Variants in RASSF8 observed in about 807,000 individuals in gnomAD.
RASSF8 encodes Ras association domain family member 8.
Under a neutral mutation model 48.5 loss-of-function variants are expected in RASSF8, and 22 were observed. That is an observed-to-expected ratio of 0.45 (90% CI 0.32 to 0.65). The LOEUF is 0.65. Ranked by LOEUF, RASSF8 falls within the 30% of genes least tolerant of loss-of-function variation. The pLI, the probability that RASSF8 is intolerant of heterozygous loss-of-function variation, is 0.03. For missense variants in RASSF8, 418 were observed against 489.2 expected (o/e 0.85, Z 1.37); for synonymous variants, 127 against 171.5 (o/e 0.74, Z 2.03).
downstream of RASSF8, among the ~76,000 whole-genome samples, chr12:26,076,558 T>G (rs1189037566): frequency 6.6e-6 from 1 of 152,054 alleles, no homozygotes; most frequent in Non-Finnish European, 1.5e-5. Context: ...GAATGATGGT[T>G]TCCAGCTTCA....
At chr12:26,038,900 C>G (rs930666575) in intron 2 of RASSF8, among the ~76,000 whole-genome samples, 4 of 152,208 alleles carry the variant, frequency 2.6e-5, no homozygotes, top group African/African-American at 9.6e-5. Flanking sequence ...GTGGTACATG[C>G]ACAGATATTT....
intron 3 of RASSF8, among the ~76,000 whole-genome samples, chr12:26,057,101 T>TGC: frequency 2.3e-4 from 1 of 4,296 alleles, no homozygotes. Flanking sequence ...ATGACACTTT[T>TGC]GTGTGTGTGT....
chr12:26,045,389 T>G (rs1017610371), intron 2 of RASSF8, among the ~76,000 whole-genome samples: 3 of 152,210 alleles, frequency 2.0e-5, no homozygotes, highest in African/African-American at 7.2e-5. Flanking sequence ...AGTTTTGTAG[T>G]CTAGCAGCCA....
intron 1 of RASSF8, among the ~76,000 whole-genome samples, chr12:25,963,856 T>C (rs1173642177): frequency 6.6e-6 from 1 of 152,214 alleles, no homozygotes; most frequent in African/African-American, 2.4e-5. Flanking sequence ...AGCTTAGGCT[T>C]TCTTTCCATA....
intron 4 of RASSF8, among the ~76,000 whole-genome samples, chr12:26,066,423 G>A (rs1943876389): frequency 6.6e-6 from 1 of 152,166 alleles, no homozygotes; most frequent in African/African-American, 2.4e-5. Context: ...TGAGGTTTTA[G>A]GAAGAACTGA....
chr12:26,006,802 G>C (rs1942402641), intron 2 of RASSF8, among the ~76,000 whole-genome samples: 1 of 152,194 alleles, frequency 6.6e-6, no homozygotes, highest in Non-Finnish European at 1.5e-5. Flanking sequence ...TGGAACATGG[G>C]ATGAAACGAG....
intron 1 of RASSF8, among the ~76,000 whole-genome samples, chr12:25,981,350 A>G (rs1941739095): frequency 1.3e-5 from 2 of 152,124 alleles, no homozygotes; most frequent in South Asian, 4.1e-4. Flanking sequence ...CCCCTGCTCA[A>G]CAGTCTCCAT....
downstream of RASSF8, among the ~76,000 whole-genome samples, chr12:26,076,034 T>C (rs1339220995): frequency 1.3e-5 from 2 of 152,154 alleles, no homozygotes; most frequent in African/African-American, 4.8e-5. Context: ...GCAAAGTAGA[T>C]TACCTTGTAA....
intron 2 of RASSF8, among the ~76,000 whole-genome samples, chr12:26,030,687 C>CTT (rs34749872): frequency 6.8e-6 from 1 of 147,238 alleles, no homozygotes; most frequent in Non-Finnish European, 1.5e-5. Flanking sequence ...CCGAAGTTAT[C>CTT]TTTTTTTTTT....
intron 1 of RASSF8, among the ~76,000 whole-genome samples, chr12:25,978,900 C>T (rs1941672720): frequency 6.6e-6 from 1 of 151,972 alleles, no homozygotes; most frequent in Admixed American, 6.6e-5. Context: ...TTCTTGCCCA[C>T]TATTGGATGT....
chr12:26,045,446 T>C (rs576355855), intron 2 of RASSF8, among the ~76,000 whole-genome samples: 3 of 152,304 alleles, frequency 2.0e-5, no homozygotes, highest in East Asian at 3.9e-4. Flanking sequence ...ATCTTACATA[T>C]TTGTTTTATT....
chr12:25,987,870 G>A (rs74966741), intron 1 of RASSF8, among the ~76,000 whole-genome samples: 10,552 of 151,530 alleles, frequency 0.07, 442 homozygotes, highest in Non-Finnish European at 0.092. Flanking sequence ...TTATTTTTTC[G>A]AAATGGAATC....
At chr12:25,977,945 ATAGT>A (rs955836794) in intron 1 of RASSF8, among the ~76,000 whole-genome samples, 3 of 152,198 alleles carry the variant, frequency 2.0e-5, no homozygotes, top group African/African-American at 7.2e-5. Context: ...GTGGAAAATC[ATAGT>A]TAGTGGTAAA....
At chr12:26,007,826 T>C (rs529908564) in intron 2 of RASSF8, among the ~76,000 whole-genome samples, 1 of 152,328 alleles carries the variant, frequency 6.6e-6, no homozygotes, top group Admixed American at 6.5e-5. Flanking sequence ...AAGTTCTAGT[T>C]GGAGGATAAG....
downstream of RASSF8, among the ~76,000 whole-genome samples, chr12:26,076,012 C>G (rs1206215005): frequency 1.3e-5 from 2 of 152,104 alleles, no homozygotes; most frequent in African/African-American, 4.8e-5. Context: ...CTAAAAAGGT[C>G]TTTTTATTGA....
Position 26,070,977 on chromosome 12 carries a change from G to A in RASSF8, c.*2159G>A. On this transcript the variant is annotated 3_prime_UTR_variant, in exon 6 of 6. Transcript: ENST00000689635. ...GTAGTAGTCTTGGGTTCCCAGCAGAGTATCACAGTTAACCTCTCTGACAAC... is the reference window on the plus strand; with the variant it reads ...GTAGTAGTCTTGGGTTCCCAGCAGAATATCACAGTTAACCTCTCTGACAAC... 1.0e-6 allele frequency: 1 copy of A among 984,718 alleles called. No homozygotes were observed. The highest frequency in any genetic ancestry group is 1.2e-6 in the Non-Finnish European group (1 of 829,340). The allele number at this position is 984,718 out of a possible 1,614,324, so 61.0% of individuals were successfully genotyped here.
At chr12:25,971,133 C>T (rs938816607) in intron 1 of RASSF8, among the ~76,000 whole-genome samples, 1 of 152,154 alleles carries the variant, frequency 6.6e-6, no homozygotes, top group Non-Finnish European at 1.5e-5. Flanking sequence ...TTGTAGCCCT[C>T]GATGCAGTTC....
intron 1 of RASSF8, among the ~76,000 whole-genome samples, chr12:25,975,827 A>G (rs1941591686): frequency 6.6e-6 from 1 of 152,128 alleles, no homozygotes. Context: ...GGTGGATGAG[A>G]GGTGATGGGG....
Position 26,072,546 on chromosome 12 carries a change from G to T in RASSF8, c.*3728G>T, listed in dbSNP as rs1944021067. On this transcript the variant is annotated 3_prime_UTR_variant, in exon 6 of 6. Transcript: ENST00000689635. ...TACATATATATGGGGGGAGGGGAAA[G>T]ATTAAAAAATAGATTTACAGCCAGA... is the stretch of plus-strand genomic sequence containing the variant. The T allele has an allele frequency of 1.0e-6, 1 of 982,962 alleles. No homozygotes were observed. Among genetic ancestry groups the T allele is most frequent in the Non-Finnish European group, 1.2e-6 (1 of 827,762 alleles). 60.9% of individuals were successfully genotyped at this position (982,962 alleles called of 1,614,324 possible).
Sources: allele counts gnomAD v4.1 joint callset (sites outside exome capture counted in the v4.1 genomes callset), GRCh38; gene constraint gnomAD v4.1.1; transcripts MANE v1.5; gene names NCBI Gene and HGNC (gene_info 2026-07-23, HGNC 2026-07-21).